The following REDIC1 variants were observed in gnomAD, a reference collection of about 807,000 sequenced individuals.
The protein encoded by REDIC1 is HEI10 Interacting Protein 1.
the REDIC1 span, among the ~76,000 whole-genome samples, chr12:39,866,570 C>A: frequency 3.9e-5 from 6 of 152,252 alleles, no homozygotes; most frequent in South Asian, 2.1e-4. Flanking sequence ...GCTCCGCCCC[C>A]CGGGGTTCAC....
the REDIC1 span, among the ~76,000 whole-genome samples, chr12:39,862,010 T>A: frequency 6.6e-6 from 1 of 152,178 alleles, no homozygotes; most frequent in Non-Finnish European, 1.5e-5. Context: ...TAGCTATTTA[T>A]CCAAAAGCTC....
the REDIC1 span, among the ~76,000 whole-genome samples, chr12:39,730,282 C>T: frequency 1.4e-4 from 21 of 152,312 alleles, no homozygotes; most frequent in East Asian, 3.3e-3. Flanking sequence ...TACATTTTTG[C>T]AGTGGCTGCT....
chr12:39,712,286 C>T, the REDIC1 span, among the ~76,000 whole-genome samples: 1 of 124,406 alleles, frequency 8.0e-6, no homozygotes, highest in African/African-American at 2.9e-5. Context: ...GTATATATAC[C>T]TGTATGTATA....
chr12:39,719,404 T>C, the REDIC1 span, among the ~76,000 whole-genome samples: 4 of 152,048 alleles, frequency 2.6e-5, no homozygotes, highest in Non-Finnish European at 4.4e-5. Flanking sequence ...AGGTGGGCAA[T>C]TGCTTGAGCC....
chr12:39,799,079 TC>T, the REDIC1 span, among the ~76,000 whole-genome samples: 9 of 149,150 alleles, frequency 6.0e-5, no homozygotes, highest in South Asian at 6.3e-4. Flanking sequence ...TTTTTTTTTT[TC>T]CTTTTTTTTT....
the REDIC1 span, among the ~76,000 whole-genome samples, chr12:39,734,373 A>G: frequency 1.3e-5 from 2 of 152,204 alleles, no homozygotes; most frequent in Non-Finnish European, 1.5e-5. Flanking sequence ...CCCAGGAATC[A>G]TCTTAATTTT....
chr12:39,683,202 A>G, the REDIC1 span: 8 of 1,424,852 alleles, frequency 5.6e-6, no homozygotes, highest in African/African-American at 2.9e-5. Flanking sequence ...TTTAGTATAT[A>G]TATTTGTATA....
the REDIC1 span, among the ~76,000 whole-genome samples, chr12:39,782,943 C>T: frequency 6.6e-6 from 1 of 152,054 alleles, no homozygotes; most frequent in Non-Finnish European, 1.5e-5. Context: ...TGTATGTATA[C>T]ATGTGCCATG....
At chr12:39,878,824 A>G in the REDIC1 span, among the ~76,000 whole-genome samples, 1 of 152,260 alleles carries the variant, frequency 6.6e-6, no homozygotes, top group African/African-American at 2.4e-5. Context: ...AAAGGAAGCC[A>G]GGTGCTAATA....
the REDIC1 span, chr12:39,829,776 A>C: frequency 3.6e-6 from 1 of 279,990 alleles, no homozygotes; most frequent in Non-Finnish European, 6.9e-6. Context: ...GGGAGTTTGG[A>C]AATACAGTGC....
At chr12:39,670,888 C>T in the REDIC1 span, among the ~76,000 whole-genome samples, 2 of 151,732 alleles carry the variant, frequency 1.3e-5, no homozygotes, top group South Asian at 4.1e-4. Flanking sequence ...TCCAGGACTT[C>T]TTTTTTGTGA....
chr12:39,733,997 G>A, the REDIC1 span, among the ~76,000 whole-genome samples: 1 of 152,198 alleles, frequency 6.6e-6, no homozygotes, highest in African/African-American at 2.4e-5. Flanking sequence ...CAAATAGGGT[G>A]CCACCCAGTT....
chr12:39,685,886 G>A, the REDIC1 span, among the ~76,000 whole-genome samples: 2 of 152,214 alleles, frequency 1.3e-5, no homozygotes, highest in Non-Finnish European at 2.9e-5. Flanking sequence ...CAAAAGAAAG[G>A]GGCTACAGGC....
At chr12:39,663,382 A>G in the REDIC1 span, among the ~76,000 whole-genome samples, 6 of 151,902 alleles carry the variant, frequency 3.9e-5, no homozygotes. Context: ...GTTTCTTTGA[A>G]GTGTTTTTGA....
chr12:39,701,077 C>T, the REDIC1 span, among the ~76,000 whole-genome samples: 1 of 145,096 alleles, frequency 6.9e-6, no homozygotes, highest in Non-Finnish European at 1.5e-5. Flanking sequence ...ATCAAATTCA[C>T]ACATAACAAT....
chr12:39,655,266 G>C, the REDIC1 span, among the ~76,000 whole-genome samples: 1 of 151,898 alleles, frequency 6.6e-6, no homozygotes, highest in Admixed American at 6.6e-5. Flanking sequence ...TGCTTGCCTT[G>C]GATTTAGGTT....
At chr12:39,700,384 G>C in the REDIC1 span, among the ~76,000 whole-genome samples, 1 of 152,090 alleles carries the variant, frequency 6.6e-6, no homozygotes, top group Admixed American at 6.5e-5. Flanking sequence ...GAAGTTTAGA[G>C]AAAAAAGAAT....
At chr12:39,853,211 G>A in the REDIC1 span, among the ~76,000 whole-genome samples, 1 of 152,120 alleles carries the variant, frequency 6.6e-6, no homozygotes, top group Admixed American at 6.6e-5. Context: ...CTACCTCTGT[G>A]TCTTCTTTGC....
the REDIC1 span, among the ~76,000 whole-genome samples, chr12:39,877,249 A>G: frequency 6.6e-6 from 1 of 152,186 alleles, no homozygotes; most frequent in Non-Finnish European, 1.5e-5. Context: ...ATGGCTAGGG[A>G]GGCCTCACAA....
Sources: gnomAD v4.1 joint callset for allele counts (sites outside exome capture counted in the v4.1 genomes callset) on GRCh38, gnomAD v4.1.1 for gene constraint, MANE v1.5 for transcripts, NCBI Gene and HGNC (gene_info 2026-07-23, HGNC 2026-07-21) for gene names.